The following ACOT7 variants were observed in gnomAD, a reference collection of about 807,000 sequenced individuals.
ACOT7 encodes cytosolic acyl coenzyme A thioester hydrolase.
Under a neutral mutation model 40.2 loss-of-function variants are expected in ACOT7, and 12 were observed. That is an observed-to-expected ratio of 0.30 (90% CI 0.19 to 0.48). The LOEUF is 0.48. ACOT7 is among the 20% of genes least tolerant of loss of function. The pLI is 0.99. For missense variants in ACOT7, 395 were observed against 530.8 expected (o/e 0.74, Z 2.51); for synonymous variants, 228 against 219.5 (o/e 1.04, Z -0.34).
rs797015712 is a variant in ACOT7, at chr1:6,391,941, C to CT, written c.143+1315dup. Among the ~76,000 whole-genome samples, 884 of 144,846 alleles carry CT rather than the reference C, an allele frequency of 6.1e-3. 6 individuals carry two copies. The highest frequency in any genetic ancestry group is 0.014 in the African/African-American group (572 of 39,632). On this transcript the variant is annotated intron_variant, in intron 1 of 8. Coordinates refer to ENST00000361521, the MANE Select transcript of ACOT7 (RefSeq NM_007274.4). Reference sequence around the variant, plus strand: ...CAGGCTGTCTGTCTCCAGTTATTTCCTTTTTTTTTTTTGCCCCGCTTTCCC... The same window carrying CT: ...CAGGCTGTCTGTCTCCAGTTATTTCCTTTTTTTTTTTTTGCCCCGCTTTCCC...
Position 6,303,791 on chromosome 1 carries a change from A to G in ACOT7, c.713-8811T>C, listed in dbSNP as rs111621919. On this transcript the variant is annotated intron_variant, in intron 6 of 8. Coordinates refer to ENST00000361521, the MANE Select transcript of ACOT7 (RefSeq NM_007274.4). Reference sequence around the variant, plus strand: ...CCTCCCAGGTTCTGTGGCTGGGACCATGGACAGAGGAATATTCACTAAGTG... The same window carrying G: ...CCTCCCAGGTTCTGTGGCTGGGACCGTGGACAGAGGAATATTCACTAAGTG... Among the ~76,000 whole-genome samples, 546 of 152,300 alleles carry G rather than the reference A, an allele frequency of 3.6e-3. 3 individuals carry two copies. Among genetic ancestry groups the G allele is most frequent in the African/African-American group, 0.013 (526 of 41,546 alleles).
intron 1 of ACOT7, among the ~76,000 whole-genome samples, chr1:6,364,359 T>A (rs1009435696): frequency 6.7e-6 from 1 of 148,872 alleles, no homozygotes; most frequent in Non-Finnish European, 1.5e-5. Context: ...CTGACCAACA[T>A]GGAAAAACCC....
intron 2 of ACOT7, among the ~76,000 whole-genome samples, chr1:6,346,105 G>T (rs1044019065): frequency 2.6e-5 from 4 of 152,172 alleles, no homozygotes; most frequent in African/African-American, 9.7e-5. Flanking sequence ...CGGACGCTGT[G>T]TTTTGTTTTT....
intron 5 of ACOT7, among the ~76,000 whole-genome samples, chr1:6,319,879 G>T (rs952921348): frequency 6.6e-6 from 1 of 152,236 alleles, no homozygotes; most frequent in South Asian, 2.1e-4. Flanking sequence ...ACGAGGGTGC[G>T]AGGGCTGGTG....
chr1:6,265,648 G>A (rs1051776780), intron 8 of ACOT7, among the ~76,000 whole-genome samples: 4 of 152,136 alleles, frequency 2.6e-5, no homozygotes, highest in African/African-American at 9.7e-5. Flanking sequence ...TGCCACCCCT[G>A]GAGTATTAGG....
intron 1 of ACOT7, among the ~76,000 whole-genome samples, chr1:6,370,792 C>A (rs898786472): frequency 2.7e-5 from 4 of 149,470 alleles, no homozygotes; most frequent in Non-Finnish European, 2.9e-5. Context: ...CACGCACAGC[C>A]AATGATTAGT....
chr1:6,349,581 G>C (rs1338789707), intron 2 of ACOT7, among the ~76,000 whole-genome samples, 168 bp downstream of exon 2: 2 of 152,228 alleles, frequency 1.3e-5, no homozygotes, highest in African/African-American at 4.8e-5. Flanking sequence ...ACCAAGCATA[G>C]CTCTGAGGGT....
chr1:6,324,478 C>T (rs1407244985), intron 5 of ACOT7, among the ~76,000 whole-genome samples: 1 of 152,146 alleles, frequency 6.6e-6, no homozygotes, highest in Admixed American at 6.6e-5. Flanking sequence ...AGAAGAGAAT[C>T]CCACGAGTAA....
chr1:6,330,223 G>A lies in ACOT7; in HGVS notation c.511-2810C>T, dbSNP rs536759225. Reference sequence around the variant, plus strand: ...TGGCTGTCTGTAGAAAGGTCAGCGGGAGCATGCTCATGCAATATAAGACAG... The same window carrying A: ...TGGCTGTCTGTAGAAAGGTCAGCGGAAGCATGCTCATGCAATATAAGACAG... On this transcript the variant is annotated intron_variant, in intron 4 of 8. Coordinates refer to ENST00000361521, the MANE Select transcript of ACOT7 (RefSeq NM_007274.4). This position sits in a 1 kb window ranked among gnomAD's most constrained non-coding sequence, Gnocchi z 4.6. Among the ~76,000 whole-genome samples the A allele has an allele frequency of 1.3e-5, 2 of 152,206 alleles. No individual in the cohort carries two copies. The highest frequency in any genetic ancestry group is 2.9e-5 in the Non-Finnish European group (2 of 68,042).
At position 6,294,367 on chromosome 1, in the gene ACOT7, C is replaced by CT. The variant is rs1269445150; in HGVS notation, c.829+496dup. Reference sequence around the variant, plus strand: ...CCATTTCCAGGCAGGGGCCAGGTGGCTGGGGTTGGATTTTTGTGGTGGAGA... The same window carrying CT: ...CCATTTCCAGGCAGGGGCCAGGTGGCTTGGGGTTGGATTTTTGTGGTGGAGA... On this transcript the variant is annotated intron_variant, in intron 7 of 8. Transcript: ENST00000361521. This position sits in a 1 kb window ranked among gnomAD's most constrained non-coding sequence, Gnocchi z 4.6. 6.6e-6 allele frequency among the ~76,000 whole-genome samples: 1 copy of CT among 152,238 alleles called. No homozygotes were observed. The highest frequency in any genetic ancestry group is 2.1e-4 in the South Asian group (1 of 4,834).
Position 6,306,689 on chromosome 1 carries a change from G to A in ACOT7, c.713-11709C>T. The A allele has an allele frequency of 1.0e-6, 1 of 985,382 alleles. No individual in the cohort carries two copies. The highest frequency in any genetic ancestry group is 1.2e-6 in the Non-Finnish European group (1 of 829,924). 61.0% of individuals were successfully genotyped at this position (985,382 alleles called of 1,614,324 possible). A position where few individuals can be genotyped will look rare whatever the true frequency, so the allele number is the denominator to read the frequency against. The stretch of plus-strand genomic sequence containing the variant: ...CAAAGCATTTGTTTGTTCACCTCTT[G>A]ATCCCCCTAGACCAGAAGTTCCTCA... On this transcript the variant is annotated intron_variant, in intron 6 of 8. Transcript: ENST00000361521. This position sits in a 1 kb window ranked among gnomAD's most constrained non-coding sequence, Gnocchi z 4.3.
intron 1 of ACOT7, among the ~76,000 whole-genome samples, chr1:6,356,685 G>A (rs927602315): frequency 2.0e-5 from 3 of 151,836 alleles, no homozygotes; most frequent in Non-Finnish European, 2.9e-5. Context: ...TTGGGAGGCC[G>A]AGGCGGGCGG....
intron 6 of ACOT7, among the ~76,000 whole-genome samples, chr1:6,298,190 A>C (rs1484342519): frequency 6.6e-6 from 1 of 152,120 alleles, no homozygotes; most frequent in African/African-American, 2.4e-5. Context: ...GCTGGAGTGC[A>C]GTGGTGCAAC....
chr1:6,348,099 C>A (rs564263955), intron 2 of ACOT7, among the ~76,000 whole-genome samples: 1 of 152,004 alleles, frequency 6.6e-6, no homozygotes, highest in South Asian at 2.1e-4. Context: ...TCAGGCCCAC[C>A]CTCCCCACAG....
intron 6 of ACOT7, among the ~76,000 whole-genome samples, chr1:6,309,666 C>G (rs549220796): frequency 1.9e-4 from 29 of 152,186 alleles, no homozygotes; most frequent in African/African-American, 7.0e-4. Context: ...AGGAGTGTTC[C>G]ATTTCCAGGG....
rs959262156 is a variant in ACOT7, at chr1:6,335,274, C to T, written c.419-1706G>A. ...CCCAGGAGGCAGAGGTTGCGGTGAG[C>T]CGAGATGGCGCCATTGCACTCTAGG... On this transcript the variant is annotated intron_variant, in intron 3 of 8. Coordinates refer to ENST00000361521, the MANE Select transcript of ACOT7 (RefSeq NM_007274.4). Among the ~76,000 whole-genome samples, 3 of 145,980 alleles carry T rather than the reference C, an allele frequency of 2.1e-5. No homozygotes were observed. In the Admixed American group the frequency reaches 2.1e-4, roughly 10 times the overall value.
intron 6 of ACOT7, among the ~76,000 whole-genome samples, chr1:6,310,236 G>A (rs900811408): frequency 1.3e-5 from 2 of 152,254 alleles, no homozygotes; most frequent in African/African-American, 2.4e-5. Context: ...CGGGAGAAAA[G>A]GTGGGAAGAG....
Position 6,345,166 on chromosome 1 carries a change from C to T in ACOT7, c.261+4583G>A, listed in dbSNP as rs143369166. On this transcript the variant is annotated intron_variant, in intron 2 of 8. Transcript: ENST00000361521. ...CCTCCTGCTTCCAGGACTGCAGGAGCAGGAAAAGCCCCACCCTGCCCTGGG... is the reference window on the plus strand; with the variant it reads ...CCTCCTGCTTCCAGGACTGCAGGAGTAGGAAAAGCCCCACCCTGCCCTGGG... 9.8e-4 allele frequency among the ~76,000 whole-genome samples: 150 copies of T among 152,360 alleles called. 1 individual carries two copies. Among genetic ancestry groups the T allele is most frequent in the African/African-American group, 3.5e-3 (145 of 41,588 alleles).
intron 1 of ACOT7, among the ~76,000 whole-genome samples, chr1:6,364,702 G>A (rs1641962866): frequency 6.6e-6 from 1 of 150,826 alleles, no homozygotes; most frequent in Non-Finnish European, 1.5e-5. Context: ...ACAAAAATTA[G>A]TTGGGCGTGG....
Sources: gnomAD v4.1 joint callset for allele counts (sites outside exome capture counted in the v4.1 genomes callset) on GRCh38, gnomAD v4.1.1 for gene constraint, Gnocchi (gnomAD v3.1) non-coding constraint, MANE v1.5 for transcripts, NCBI Gene and HGNC (gene_info 2026-07-23, HGNC 2026-07-21) for gene names.